The following ZNF827 variants were observed in gnomAD, a reference collection of about 807,000 sequenced individuals.
ZNF827 encodes zinc finger protein 827.
In ZNF827, 13 loss-of-function variants were observed where a neutral mutation model predicts 102.4. The ratio of observed to expected loss-of-function variants is 0.13; its 90% CI spans 0.08 to 0.20. The LOEUF is 0.20. Ranked by LOEUF, ZNF827 falls within the 10% of genes least tolerant of loss-of-function variation. The probability of loss-of-function intolerance (pLI) is 1.00; values close to 1 mark genes in which losing one functional copy is unlikely to be tolerated. For missense variants in ZNF827, 1,103 were observed against 1,344.4 expected (o/e 0.82, Z 2.81); for synonymous variants, 523 against 536.2 (o/e 0.98, Z 0.34).
chr4:145,806,044 T>C (rs72954611), intron 8 of ZNF827, among the ~76,000 whole-genome samples: 26,361 of 151,912 alleles, frequency 0.17, 3,270 homozygotes, highest in East Asian at 0.67. Flanking sequence ...CTAGGGTGTA[T>C]ACTTCATGAG....
intron 8 of ZNF827, among the ~76,000 whole-genome samples, chr4:145,781,195 C>CAAAAAAAAAAAAAAAGAAAAAAAAAAAA (rs1737946034): frequency 1.8e-5 from 1 of 56,546 alleles, no homozygotes; most frequent in Non-Finnish European, 2.8e-5. Flanking sequence ...GACACCATCT[C>CAAAAAAAAAAAAAAAGAAAAAAAAAAAA]AAAAAAAAAA....
chr4:145,824,770 C>T (rs1458911594), intron 7 of ZNF827, among the ~76,000 whole-genome samples: 1 of 152,192 alleles, frequency 6.6e-6, no homozygotes, highest in Non-Finnish European at 1.5e-5. Context: ...GAACAACAGA[C>T]CAAGCCTAGG....
Position 145,892,252 on chromosome 4 carries a change from G to A in ZNF827, c.1257C>T (p.Ser419=), listed in dbSNP as rs1579494371. The change falls in exon 3 of 15, where the codon TCC becomes TCT. Residue 419 remains serine, a synonymous_variant. Coordinates refer to ENST00000508784, the MANE Select transcript of ZNF827 (RefSeq NM_001306215.2). ...FRCARKDNLK[S]HMKVHQHQDR... is the part of the protein sequence containing the mutation. ...TCGGTAGGTGGCTTACCTTCATGTG[G>A]GATTTGAGATTGTCCTTGCGAGCAC... is the stretch of plus-strand genomic sequence containing the variant. 6.2e-7 allele frequency: 1 copy of A among 1,608,822 alleles called. No homozygotes were observed. Among genetic ancestry groups the A allele is most frequent in the Non-Finnish European group, 8.5e-7 (1 of 1,176,512 alleles).
At chr4:145,840,669 T>A (rs757183529) in intron 7 of ZNF827, among the ~76,000 whole-genome samples, 4 of 152,268 alleles carry the variant, frequency 2.6e-5, no homozygotes, top group Non-Finnish European at 5.9e-5. Context: ...AGTAATATTT[T>A]ACTTTTTAAG....
chr4:145,897,343 T>A lies in ZNF827; in HGVS notation c.1093+4823A>T, dbSNP rs192403300. ...GCTTCGAAATCAAACTTCCTGTTGT[T>A]CAATCCTATGTGGTGATTTGCAGCA... On this transcript the variant is annotated intron_variant, in intron 2 of 14. Transcript: ENST00000508784. Among the ~76,000 whole-genome samples the A allele has an allele frequency of 1.2e-4, 19 of 152,354 alleles. No individual in the cohort carries two copies. In the East Asian group the frequency reaches 3.7e-3, roughly 29 times the overall value.
At chr4:145,909,861 G>T (rs999887625) in intron 1 of ZNF827, among the ~76,000 whole-genome samples, 1 of 152,074 alleles carries the variant, frequency 6.6e-6, no homozygotes, top group Non-Finnish European at 1.5e-5. Flanking sequence ...GAGACCTCTC[G>T]CGTCTTCAAG....
chr4:145,856,036 C>G (rs1747073282), intron 5 of ZNF827, among the ~76,000 whole-genome samples: 1 of 151,722 alleles, frequency 6.6e-6, no homozygotes, highest in Admixed American at 6.6e-5. Flanking sequence ...TTCTTCTTGC[C>G]CAGGCTGGAG....
In ZNF827 at chr4:145,823,539, G is replaced by C. The variant is rs751870650; in HGVS notation, c.2280-14C>G. 1.0e-5 allele frequency: 16 copies of C among 1,574,268 alleles called. No homozygotes were observed. The Admixed American group carries it at 1.2e-4, about 12-fold the overall frequency. On this transcript the variant is annotated splice_polypyrimidine_tract_variant and intron_variant, in intron 7 of 14. Coordinates refer to ENST00000508784, the MANE Select transcript of ZNF827 (RefSeq NM_001306215.2). ...GAAAAGAAAGGGCTGGGGTGGGGGA[G>C]GGGGAGTGAAGTTTAGTAAATTAAA...
intron 6 of ZNF827, among the ~76,000 whole-genome samples, chr4:145,849,053 A>G (rs1336242151): frequency 6.6e-6 from 1 of 152,244 alleles, no homozygotes; most frequent in Non-Finnish European, 1.5e-5. Context: ...TGTTTAGCCC[A>G]GTCAACAGGA....
chr4:145,829,061 GA>G (rs1164256643), intron 7 of ZNF827, among the ~76,000 whole-genome samples: 2 of 152,140 alleles, frequency 1.3e-5, no homozygotes, highest in Non-Finnish European at 2.9e-5. Context: ...AAAGAAAACA[GA>G]AAAGAAGGTG....
At chr4:145,929,111 C>T (rs1446646136) in intron 1 of ZNF827, among the ~76,000 whole-genome samples, 1 of 152,168 alleles carries the variant, frequency 6.6e-6, no homozygotes, top group Non-Finnish European at 1.5e-5. Context: ...ACTATGGCAC[C>T]AGCTTGTAAC....
At chr4:145,792,246 T>C (rs1033946179) in intron 8 of ZNF827, among the ~76,000 whole-genome samples, 2 of 152,068 alleles carry the variant, frequency 1.3e-5, no homozygotes, top group Non-Finnish European at 2.9e-5. Flanking sequence ...TGTTGAAGAA[T>C]AGAATGGAAT....
chr4:145,828,158 C>G (rs1424826337), intron 7 of ZNF827, among the ~76,000 whole-genome samples: 1 of 152,172 alleles, frequency 6.6e-6, no homozygotes, highest in Non-Finnish European at 1.5e-5. Context: ...TGCCCCGAAG[C>G]ATGTTTGTAC....
At chr4:145,907,672 T>C (rs1579539830) in intron 1 of ZNF827, among the ~76,000 whole-genome samples, 1 of 152,190 alleles carries the variant, frequency 6.6e-6, no homozygotes, top group Non-Finnish European at 1.5e-5. Flanking sequence ...AGCCTCTAAG[T>C]GGCCAATGTA....
At position 145,851,815 on chromosome 4, in the gene ZNF827, GA is replaced by G. The variant is rs1381306255; in HGVS notation, c.1982-2255del. 3.9e-5 allele frequency among the ~76,000 whole-genome samples: 6 copies of G among 152,022 alleles called. No homozygotes were observed. The East Asian group carries it at 1.2e-3, about 29-fold the overall frequency. The stretch of plus-strand genomic sequence containing the variant: ...AAAAAAATTTTTTTAAATAAAAAAA[GA>G]GAAGAAGAAGAAAGCTGTCCAAGAT... On this transcript the variant is annotated intron_variant, in intron 5 of 14. Transcript: ENST00000508784.
chr4:145,785,337 AT>A (rs945679810), intron 8 of ZNF827, among the ~76,000 whole-genome samples: 2 of 152,202 alleles, frequency 1.3e-5, no homozygotes, highest in African/African-American at 4.8e-5. Flanking sequence ...TCCTGGGAAG[AT>A]GAAACCCATC....
At chr4:145,807,218 A>C (rs1741540359) in intron 8 of ZNF827, among the ~76,000 whole-genome samples, 1 of 152,230 alleles carries the variant, frequency 6.6e-6, no homozygotes, top group Non-Finnish European at 1.5e-5. Context: ...AGTCTCTGAC[A>C]AAGACCTATC....
chr4:145,904,649 G>A (rs959130583), intron 1 of ZNF827, among the ~76,000 whole-genome samples: 2 of 152,200 alleles, frequency 1.3e-5, no homozygotes, highest in African/African-American at 4.8e-5. Flanking sequence ...TCAGAGCAGT[G>A]CCATAGGAGG....
intron 4 of ZNF827, among the ~76,000 whole-genome samples, chr4:145,872,220 G>A (rs1418954837): frequency 6.6e-6 from 1 of 152,156 alleles, no homozygotes; most frequent in Non-Finnish European, 1.5e-5. Context: ...AATATACCTG[G>A]AGGTAGGACC....
Sources: gnomAD v4.1 joint callset for allele counts (sites outside exome capture counted in the v4.1 genomes callset) on GRCh38, gnomAD v4.1.1 for gene constraint, MANE v1.5 for transcripts, NCBI Gene and HGNC (gene_info 2026-07-23, HGNC 2026-07-21) for gene names.